ADGRL3: variants seen among roughly 807,000 people sequenced by gnomAD.
The protein encoded by ADGRL3 is adhesion G protein-coupled receptor L3, also known as calcium-independent alpha-latrotoxin receptor 3.
ADGRL3 carries 62 observed loss-of-function variants against 153.5 expected under a neutral mutation model. The observed-to-expected ratio is 0.40, with a 90% CI of 0.33 to 0.50. The LOEUF is 0.50. ADGRL3 is among the 20% of genes least tolerant of loss of function. The pLI is 0.47. For missense variants in ADGRL3, 1,641 were observed against 1,859.4 expected, an observed-to-expected ratio of 0.88 and a Z score of 2.16; for synonymous variants, 710 against 672.5, an observed-to-expected ratio of 1.06 and a Z score of -0.86.
chr4:61,802,393 A>G (rs1474740449), intron 8 of ADGRL3, among the ~76,000 whole-genome samples: 1 of 152,132 alleles, frequency 6.6e-6, no homozygotes, highest in Non-Finnish European at 1.5e-5. Flanking sequence ...GTTCCACTAT[A>G]AAGGCTATGT....
chr4:61,577,490 G>T (rs1337303167), intron 4 of ADGRL3, among the ~76,000 whole-genome samples: 2 of 151,872 alleles, frequency 1.3e-5, no homozygotes, highest in Non-Finnish European at 2.9e-5. Flanking sequence ...TTGCAATAAA[G>T]AATATTGATG....
intron 8 of ADGRL3, among the ~76,000 whole-genome samples, chr4:61,742,951 C>A (rs911658042): frequency 6.6e-6 from 1 of 151,654 alleles, no homozygotes; most frequent in Non-Finnish European, 1.5e-5. Flanking sequence ...CAAAATTAGC[C>A]AGTGCTTTCT....
At chr4:61,684,058 A>T (rs1232204038) in intron 6 of ADGRL3, among the ~76,000 whole-genome samples, 1 of 152,178 alleles carries the variant, frequency 6.6e-6, no homozygotes, top group Admixed American at 6.6e-5. Flanking sequence ...TATTTGCATG[A>T]AATATAAAAT....
At chr4:61,792,011 CT>C (rs2097348821) in intron 8 of ADGRL3, among the ~76,000 whole-genome samples, 1 of 152,202 alleles carries the variant, frequency 6.6e-6, no homozygotes, top group Non-Finnish European at 1.5e-5. Flanking sequence ...CTCTCATGGC[CT>C]GGAGACCTTT....
intron 2 of ADGRL3, among the ~76,000 whole-genome samples, chr4:61,449,647 A>G (rs1024731738): frequency 2.0e-4 from 31 of 152,146 alleles, no homozygotes; most frequent in Non-Finnish European, 3.1e-4. Context: ...TGTTTCATAT[A>G]TAATATTCTC....
intron 25 of ADGRL3, among the ~76,000 whole-genome samples, chr4:62,062,409 CAGCCTAT>C (rs1481131478): frequency 6.6e-6 from 1 of 151,992 alleles, no homozygotes; most frequent in African/African-American, 2.4e-5. Context: ...ATCTGTCTCT[CAGCCTAT>C]AGCTTGTGTT....
intron 5 of ADGRL3, among the ~76,000 whole-genome samples, chr4:61,622,920 C>G (rs2092614214): frequency 6.6e-6 from 1 of 152,052 alleles, no homozygotes; most frequent in Non-Finnish European, 1.5e-5. Flanking sequence ...TCATCCTTTT[C>G]AGGAAAAATT....
At chr4:61,556,127 G>A (rs974858481) in intron 4 of ADGRL3, among the ~76,000 whole-genome samples, 13 of 152,184 alleles carry the variant, frequency 8.5e-5, no homozygotes, top group Admixed American at 7.2e-4. Flanking sequence ...GACAGGAGCA[G>A]AGAGAGAATA....
At chr4:61,828,473 T>A (rs1409575224) in intron 9 of ADGRL3, among the ~76,000 whole-genome samples, 1 of 152,192 alleles carries the variant, frequency 6.6e-6, no homozygotes, top group Admixed American at 6.5e-5. Flanking sequence ...GCTTCTGTTG[T>A]TTTCCCCTGT....
intron 13 of ADGRL3, among the ~76,000 whole-genome samples, chr4:61,919,273 C>A (rs1309665660): frequency 2.6e-5 from 4 of 152,156 alleles, no homozygotes; most frequent in Non-Finnish European, 5.9e-5. Flanking sequence ...CCCAAACTTT[C>A]ATTTAATATA....
At chr4:61,438,867 C>T (rs2097490138) in intron 2 of ADGRL3, among the ~76,000 whole-genome samples, 1 of 151,896 alleles carries the variant, frequency 6.6e-6, no homozygotes, top group Non-Finnish European at 1.5e-5. Context: ...GCCACCACGC[C>T]CGGCTAATTT....
At chr4:62,025,075 A>G (rs1246521015) in intron 21 of ADGRL3, among the ~76,000 whole-genome samples, 1 of 152,182 alleles carries the variant, frequency 6.6e-6, no homozygotes, top group Admixed American at 6.6e-5. Flanking sequence ...TAAGCTGTCA[A>G]GATTTCTATC....
At chr4:61,500,782 T>A (rs373761044) in intron 3 of ADGRL3, among the ~76,000 whole-genome samples, 1 of 152,212 alleles carries the variant, frequency 6.6e-6, no homozygotes, top group Admixed American at 6.5e-5. Context: ...ATTGCATGGG[T>A]TTATTTTTCA....
chr4:61,946,807 G>A lies in ADGRL3; in HGVS notation c.2420-107G>A, dbSNP rs2098926965. On this transcript the variant is annotated intron_variant, in intron 15 of 26. Transcript: ENST00000683033. ...TGGTACTTTGGTTGAAATGAATGCT[G>A]GATTTTTTGTGTGAATACATACTAC... 5 of 853,660 alleles carry A rather than the reference G, an allele frequency of 5.9e-6. No individual in the cohort carries two copies. The Admixed American group carries it at 8.7e-5, about 15-fold the overall frequency. 52.9% of individuals were successfully genotyped at this position (853,660 alleles called of 1,614,324 possible). A position where few individuals can be genotyped will look rare whatever the true frequency, so the allele number is the denominator to read the frequency against.
chr4:61,522,524 T>G (rs2098537360), intron 4 of ADGRL3, among the ~76,000 whole-genome samples: 1 of 152,090 alleles, frequency 6.6e-6, no homozygotes, highest in South Asian at 2.1e-4. Flanking sequence ...TTACATAATT[T>G]TACGTACGAT....
chr4:61,386,467 T>C (rs2096737215), intron 2 of ADGRL3, among the ~76,000 whole-genome samples: 2 of 152,170 alleles, frequency 1.3e-5, no homozygotes, highest in South Asian at 4.1e-4. Flanking sequence ...AGATTTGTAA[T>C]AAATTAACAT....
At chr4:61,816,863 G>C (rs1448143109) in intron 9 of ADGRL3, among the ~76,000 whole-genome samples, 2 of 152,156 alleles carry the variant, frequency 1.3e-5, no homozygotes, top group African/African-American at 4.8e-5. Context: ...CCATCCCTGA[G>C]CTCTCAGGGA....
At chr4:61,456,429 C>CTATATATATAGATATATCTATATA (rs2097751251) in intron 2 of ADGRL3, among the ~76,000 whole-genome samples, 1 of 34,256 alleles carries the variant, frequency 2.9e-5, no homozygotes, top group African/African-American at 7.1e-5. Context: ...ATATCTATAT[C>CTATATATATAGATATATCTATATA]TATATATATA....
chr4:61,775,556 CCT>C (rs2097138355), intron 8 of ADGRL3: 3 of 825,858 alleles, frequency 3.6e-6, no homozygotes, highest in Admixed American at 3.4e-5. Context: ...TGAGGCTTCC[CCT>C]CTCTGTCAGT....
Sources: allele counts gnomAD v4.1 joint callset (sites outside exome capture counted in the v4.1 genomes callset), GRCh38; gene constraint gnomAD v4.1.1; transcripts MANE v1.5; gene names NCBI Gene and HGNC (gene_info 2026-07-23, HGNC 2026-07-21).